The following TRIM37 variants were observed in gnomAD, a reference collection of about 807,000 sequenced individuals.
TRIM37 encodes tripartite motif containing 37.
A neutral mutation model predicts 129.8 loss-of-function variants in TRIM37; 80 were observed. The observed-to-expected ratio is 0.62, with a 90% CI of 0.51 to 0.74. The LOEUF (loss-of-function observed/expected upper bound fraction) is 0.74. TRIM37 is among the 30% of genes least tolerant of loss of function. The probability of loss-of-function intolerance (pLI) is 0.00; values close to 1 mark genes in which losing one functional copy is unlikely to be tolerated. For synonymous variants in TRIM37, 389 were observed against 387.1 expected (o/e 1.00, Z -0.06); for missense variants, 1,054 against 1,176.5 (o/e 0.90, Z 1.52).
chr17:58,972,441 C>T, the TRIM37 span, among the ~76,000 whole-genome samples: 1 of 152,020 alleles, frequency 6.6e-6, no homozygotes, highest in Non-Finnish European at 1.5e-5. Flanking sequence ...ACCTCCGCCT[C>T]CTGGGTTCAA....
At chr17:59,019,635 G>A (rs1208700878) in intron 19 of TRIM37, among the ~76,000 whole-genome samples, 1 of 152,056 alleles carries the variant, frequency 6.6e-6, no homozygotes, top group Non-Finnish European at 1.5e-5. Flanking sequence ...GTGAACCCGG[G>A]AAGCGGAGCT....
chr17:59,020,157 A>G (rs1385124716), intron 19 of TRIM37, among the ~76,000 whole-genome samples: 1 of 138,270 alleles, frequency 7.2e-6, no homozygotes, highest in Non-Finnish European at 1.5e-5. Context: ...CTTGAGCCCA[A>G]GAGACGGAGG....
chr17:59,060,520 G>T (rs1308684648), intron 12 of TRIM37, among the ~76,000 whole-genome samples: 3 of 151,976 alleles, frequency 2.0e-5, no homozygotes, highest in Non-Finnish European at 2.9e-5. Flanking sequence ...TGTTCAGTTT[G>T]GATGTAATAT....
intron 12 of TRIM37, among the ~76,000 whole-genome samples, chr17:59,058,707 C>T (rs1392603674): frequency 6.6e-6 from 1 of 151,546 alleles, no homozygotes; most frequent in Non-Finnish European, 1.5e-5. Flanking sequence ...AAACAAAAAA[C>T]AAAAAAATTA....
At chr17:58,975,227 A>G in the TRIM37 span, among the ~76,000 whole-genome samples, 5 of 152,250 alleles carry the variant, frequency 3.3e-5, no homozygotes, top group Non-Finnish European at 7.3e-5. Context: ...ATTTCTCCTG[A>G]TCTGACCTTT....
At chr17:59,036,728 T>C (rs138494836) in intron 17 of TRIM37, among the ~76,000 whole-genome samples, 103 of 152,240 alleles carry the variant, frequency 6.8e-4, no homozygotes, top group African/African-American at 2.5e-3. Context: ...TACCTAGCTT[T>C]TATATAAGCC....
chr17:59,079,655 CA>C (rs2043098641), intron 7 of TRIM37, 98 bp downstream of exon 7: 1 of 1,498,482 alleles, frequency 6.7e-7, no homozygotes, highest in East Asian at 2.3e-5. Context: ...CCTAAAATCT[CA>C]AGATTCCTTC....
intron 5 of TRIM37, among the ~76,000 whole-genome samples, chr17:59,081,629 CA>C (rs1030606903): frequency 2.6e-5 from 4 of 152,000 alleles, no homozygotes; most frequent in Non-Finnish European, 5.9e-5. Flanking sequence ...AATTATTAGC[CA>C]GGGGTGGTGG....
At chr17:59,022,917 G>A (rs1439072400) in intron 19 of TRIM37, among the ~76,000 whole-genome samples, 2 of 152,096 alleles carry the variant, frequency 1.3e-5, no homozygotes, top group Non-Finnish European at 2.9e-5. Flanking sequence ...TACATATTTT[G>A]CAGATACAGT....
chr17:59,048,158 G>C (rs2039999998), intron 15 of TRIM37, among the ~76,000 whole-genome samples: 1 of 151,924 alleles, frequency 6.6e-6, no homozygotes, highest in African/African-American at 2.4e-5. Flanking sequence ...AATTAACACT[G>C]TCACCTATCT....
intron 16 of TRIM37, among the ~76,000 whole-genome samples, chr17:59,046,527 G>T (rs1599135396): frequency 6.6e-6 from 1 of 150,566 alleles, no homozygotes; most frequent in East Asian, 2.0e-4. Flanking sequence ...GAAAGTATTA[G>T]TCATGAAAAA....
chr17:59,046,682 G>A (rs546458291), intron 16 of TRIM37, among the ~76,000 whole-genome samples: 9 of 151,502 alleles, frequency 5.9e-5, no homozygotes, highest in African/African-American at 1.9e-4. Flanking sequence ...GACTACAGGC[G>A]CCTGCCACCA....
chr17:59,084,105 AG>A lies in TRIM37; in HGVS notation c.282-17del. 1 of 1,589,256 alleles carries A rather than the reference AG, an allele frequency of 6.3e-7. No homozygotes were observed. Among genetic ancestry groups the A allele is most frequent in the Non-Finnish European group, 8.6e-7 (1 of 1,159,030 alleles). On this transcript the variant is annotated splice_polypyrimidine_tract_variant and intron_variant, in intron 4 of 23. Transcript: ENST00000262294. ...ATTTTCACATCTATACATTATGAAA[AG>A]AAAATGAAGTTATAAATTAAATTGG... is the stretch of plus-strand genomic sequence containing the variant.
chr17:59,046,202 T>C (rs889027741), intron 16 of TRIM37, among the ~76,000 whole-genome samples: 1 of 152,066 alleles, frequency 6.6e-6, no homozygotes, highest in African/African-American at 2.4e-5. Context: ...TCAAAATTCA[T>C]AGGAAAAAGT....
At chr17:59,042,431 TAAAAAAAAAA>T (rs71145517) in intron 16 of TRIM37, among the ~76,000 whole-genome samples, 1 of 76,724 alleles carries the variant, frequency 1.3e-5, no homozygotes, top group African/African-American at 6.7e-5. Flanking sequence ...AAAAGGAATT[TAAAAAAAAAA>T]AAAAAAAAAT....
intron 17 of TRIM37, among the ~76,000 whole-genome samples, chr17:59,040,021 C>A (rs1306985516): frequency 6.6e-6 from 1 of 152,046 alleles, no homozygotes; most frequent in African/African-American, 2.4e-5. Flanking sequence ...CCTCAGCTTC[C>A]CAAATAGCTG....
At chr17:59,028,775 T>C in intron 18 of TRIM37, 52 bp from the exon 19 acceptor site, 1 of 1,590,940 alleles carries the variant, frequency 6.3e-7, no homozygotes, top group Non-Finnish European at 8.6e-7. Context: ...ATTAATGAAA[T>C]CATTTGTACC....
At chr17:59,019,907 G>A (rs1436318525) in intron 19 of TRIM37, among the ~76,000 whole-genome samples, 1 of 152,032 alleles carries the variant, frequency 6.6e-6, no homozygotes, top group Non-Finnish European at 1.5e-5. Context: ...CCACTAAAAG[G>A]ATAAATGAAT....
At chr17:59,005,102 A>G (rs1401209999) in intron 22 of TRIM37, among the ~76,000 whole-genome samples, 1 of 152,098 alleles carries the variant, frequency 6.6e-6, no homozygotes, top group Non-Finnish European at 1.5e-5. Context: ...AAACACTAAA[A>G]CACACTGAGT....
Sources: allele counts gnomAD v4.1 joint callset (sites outside exome capture counted in the v4.1 genomes callset), GRCh38; gene constraint gnomAD v4.1.1; transcripts MANE v1.5; gene names NCBI Gene and HGNC (gene_info 2026-07-23, HGNC 2026-07-21).